MYOM1: variants seen among roughly 807,000 people sequenced by gnomAD.
MYOM1 encodes myomesin 1, also known as myomesin-1.
A neutral mutation model predicts 205.3 loss-of-function variants in MYOM1; 164 were observed. That is an observed-to-expected ratio of 0.80 (90% confidence interval 0.70 to 0.91). MYOM1 has a LOEUF of 0.91. Among genes scored for constraint, MYOM1 ranks in the 40% least tolerant of loss-of-function variants. The probability of loss-of-function intolerance (pLI) is 0.00; values close to 1 mark genes in which losing one functional copy is unlikely to be tolerated. For synonymous variants in MYOM1, 772 were observed against 789.4 expected (o/e 0.98, Z 0.37); for missense variants, 2,011 against 2,127.3 (o/e 0.95, Z 1.08).
At position 3,168,839 on chromosome 18, in the gene MYOM1, T is replaced by C. The variant is rs761074030; in HGVS notation, c.1317A>G (p.Pro439=). 1.2e-6 allele frequency: 2 copies of C among 1,613,912 alleles called. No individual in the cohort carries two copies. The highest frequency in any genetic ancestry group is 1.7e-6 in the Non-Finnish European group (2 of 1,179,842). Reference sequence around the variant, plus strand: ...CACCGTTTCTGTACCACTGGATCTCTGGCTGGAAATGTTTAATTTCAGGAG... The same window carrying C: ...CACCGTTTCTGTACCACTGGATCTCCGGCTGGAAATGTTTAATTTCAGGAG... ...VITPEIKHFQ[P]EIQWYRNGVP... is the part of the protein sequence containing the mutation. The change falls in exon 9 of 38, where the codon CCA becomes CCG. Residue 439 remains proline (P), a synonymous_variant. Coordinates refer to ENST00000356443, the MANE Select transcript of MYOM1 (RefSeq NM_003803.4).
At chr18:3,163,032 AAC>A (rs1260327854) in intron 10 of MYOM1, among the ~76,000 whole-genome samples, 766 of 70,684 alleles carry the variant, frequency 0.011, 12 homozygotes, top group African/African-American at 0.053. Flanking sequence ...CACTCAAAAA[AAC>A]AAAAAAAAAC....
intron 9 of MYOM1, 61 bp downstream of exon 9, chr18:3,168,756 T>G: frequency 6.4e-7 from 1 of 1,559,308 alleles, no homozygotes; most frequent in Non-Finnish European, 8.8e-7. Context: ...TAAACAGATC[T>G]GCAATCTGGT....
intron 18 of MYOM1, among the ~76,000 whole-genome samples, chr18:3,128,796 A>G (rs2079832415): frequency 6.6e-6 from 1 of 152,210 alleles, no homozygotes; most frequent in South Asian, 2.1e-4. Context: ...ATGAGCAAGA[A>G]GGTAACAACT....
the MYOM1 span, among the ~76,000 whole-genome samples, chr18:3,226,599 C>T: frequency 2.6e-5 from 4 of 152,164 alleles, no homozygotes; most frequent in Non-Finnish European, 5.9e-5. The surrounding 1 kb of genome is among the most constrained non-coding windows in gnomAD (Gnocchi z 4.6). Context: ...TCCTTCAACA[C>T]CCCGTGCCAT....
intron 5 of MYOM1, among the ~76,000 whole-genome samples, chr18:3,186,821 A>G (rs1487282040): frequency 6.7e-6 from 1 of 148,478 alleles, no homozygotes; most frequent in Admixed American, 6.7e-5. Context: ...AGAAAGAAAG[A>G]AAGAGAAAGA....
intron 2 of MYOM1, among the ~76,000 whole-genome samples, chr18:3,212,379 C>T (rs1185312811): frequency 2.0e-5 from 3 of 151,894 alleles, no homozygotes; most frequent in Non-Finnish European, 2.9e-5. Flanking sequence ...ATAAGTCTTC[C>T]GAGGATTATA....
At chr18:3,109,956 T>C (rs1187073499) in intron 22 of MYOM1, among the ~76,000 whole-genome samples, 1 of 152,114 alleles carries the variant, frequency 6.6e-6, no homozygotes, top group African/African-American at 2.4e-5. Flanking sequence ...ACTCCTGGTA[T>C]CCTAATGGGT....
At chr18:3,177,794 G>A (rs1281651318) in intron 5 of MYOM1, among the ~76,000 whole-genome samples, 3 of 152,128 alleles carry the variant, frequency 2.0e-5, no homozygotes, top group Admixed American at 6.6e-5. Context: ...TGTATTGAAC[G>A]ATCATTATAT....
At chr18:3,167,532 C>T (rs1408948290) in intron 9 of MYOM1, among the ~76,000 whole-genome samples, 3 of 152,056 alleles carry the variant, frequency 2.0e-5, no homozygotes, top group Non-Finnish European at 4.4e-5. Flanking sequence ...TACAGGTGTG[C>T]GCCACCACGC....
Position 3,151,797 on chromosome 18 carries a change from A to G in MYOM1, c.1740T>C (p.Tyr580=), listed in dbSNP as rs913472593. The change falls in exon 12 of 38, where the codon TAT becomes TAC. Residue 580 remains tyrosine (Y), a synonymous_variant. Transcript: ENST00000356443. ...TATTCACAGCTCGAACTCGGAAGATATAGGAACGACCTTCGATCAATCCAG... is the reference window on the plus strand; with the variant it reads ...TATTCACAGCTCGAACTCGGAAGATGTAGGAACGACCTTCGATCAATCCAG... ...PVTGLIEGRS[Y]IFRVRAVNKM... 3 of 1,614,000 alleles carry G rather than the reference A, an allele frequency of 1.9e-6. No homozygotes were observed. Among genetic ancestry groups the G allele is most frequent in the Admixed American group, 3.3e-5 (2 of 60,034 alleles).
At chr18:3,107,943 C>G (rs138118784) in intron 22 of MYOM1, among the ~76,000 whole-genome samples, 2,191 of 152,276 alleles carry the variant, frequency 0.014, 39 homozygotes, top group Non-Finnish European at 0.018. Flanking sequence ...TGTTATGTGG[C>G]CAGAGGTCAC....
At chr18:3,091,034 G>A (rs1208161071) in intron 26 of MYOM1, among the ~76,000 whole-genome samples, 1 of 151,980 alleles carries the variant, frequency 6.6e-6, no homozygotes, top group Non-Finnish European at 1.5e-5. Flanking sequence ...TAGAAAAATA[G>A]GCTAGGCACA....
intron 2 of MYOM1, among the ~76,000 whole-genome samples, chr18:3,194,611 A>G (rs1385327777): frequency 3.9e-5 from 6 of 152,238 alleles, no homozygotes; most frequent in Non-Finnish European, 8.8e-5. Context: ...CTAATAAACC[A>G]AAAAATTGAC....
intron 5 of MYOM1, among the ~76,000 whole-genome samples, chr18:3,180,764 T>C (rs2080717938): frequency 6.6e-6 from 1 of 152,180 alleles, no homozygotes; most frequent in South Asian, 2.1e-4. Context: ...CCTTTATGTG[T>C]GTAAAACACA....
At chr18:3,224,494 G>C (rs1006467859), upstream of MYOM1, among the ~76,000 whole-genome samples, 3 of 152,188 alleles carry the variant, frequency 2.0e-5, no homozygotes, top group African/African-American at 7.2e-5. Flanking sequence ...CTTGGAAGAG[G>C]GCATGCCTGC....
chr18:3,208,113 G>A (rs2081147895), intron 2 of MYOM1, among the ~76,000 whole-genome samples: 1 of 152,196 alleles, frequency 6.6e-6, no homozygotes, highest in Non-Finnish European at 1.5e-5. Flanking sequence ...GAGAATCCTA[G>A]CTCTCTCTCC....
chr18:3,182,433 T>C (rs531673216), intron 5 of MYOM1, among the ~76,000 whole-genome samples: 86 of 152,302 alleles, frequency 5.6e-4, no homozygotes, highest in African/African-American at 1.9e-3. Context: ...TAAAGTATTA[T>C]AATAATAATA....
chr18:3,102,523 C>T lies in MYOM1; in HGVS notation c.3526G>A (p.Val1176Ile), dbSNP rs775574626. The T allele has an allele frequency of 6.2e-7, 1 of 1,613,902 alleles. No homozygotes were observed. The highest frequency in any genetic ancestry group is 1.1e-5 in the South Asian group (1 of 91,074). Residue 1176 changes from valine (V) to isoleucine (I), a missense_variant, in exon 23 of 38, where the codon GTA (valine) becomes ATA (isoleucine). By Grantham distance (29) the Val-to-Ile change is conservative. Transcript: ENST00000356443. The stretch of plus-strand genomic sequence containing the variant: ...AATCGTGGAGAGTCCTCAGTGGATA[C>T]ATAATCTTTGGACCAGGAGAACTCG... Reference protein sequence around the residue: ...KSEFSWSKDYVSTEDSPRLEV... With the variant: ...KSEFSWSKDYISTEDSPRLEV...
In MYOM1 at chr18:3,083,989, C is replaced by T; in HGVS notation, c.4378G>A (p.Ala1460Thr). The change falls in exon 32 of 38, where the codon GCT becomes ACT. Residue 1460 changes from alanine (A) to threonine (T), a missense_variant and splice_region_variant. By Grantham distance (58) the Ala-to-Thr change is moderately conservative. Coordinates refer to ENST00000356443, the MANE Select transcript of MYOM1 (RefSeq NM_003803.4). ...TTGTGGTGCGAAATGTTTGACTCAC[C>T]TATTTTTTTGCATACTTCCATCATC... is the stretch of plus-strand genomic sequence containing the variant. The part of the protein sequence containing the change: ...ELMMEVCKKI[A>T]LSATDLKIQS... 6.3e-7 allele frequency: 1 copy of T among 1,589,264 alleles called. No homozygotes were observed. Among genetic ancestry groups the T allele is most frequent in the Non-Finnish European group, 8.6e-7 (1 of 1,166,358 alleles).
Sources: allele counts gnomAD v4.1 joint callset (sites outside exome capture counted in the v4.1 genomes callset), GRCh38; gene constraint gnomAD v4.1.1; non-coding constraint Gnocchi (gnomAD v3.1); transcripts MANE v1.5; gene names NCBI Gene and HGNC (gene_info 2026-07-23, HGNC 2026-07-21).